SLC41A3: variants seen among roughly 807,000 people sequenced by gnomAD.
SLC41A3 encodes the protein SLC41A1-like 2.
A neutral mutation model predicts 45.4 loss-of-function variants in SLC41A3; 44 were observed. The ratio of observed to expected loss-of-function variants is 0.97; its 90% CI spans 0.76 to 1.25. The LOEUF (loss-of-function observed/expected upper bound fraction) is 1.25, where lower values mean the gene tolerates loss of function less well. Ranked by LOEUF, SLC41A3 falls within the 50% of genes most tolerant of loss-of-function variation. SLC41A3 has a pLI of 0.00. For synonymous variants in SLC41A3, 256 were observed against 252.4 expected (o/e 1.01, Z -0.13); for missense variants, 550 against 600.6 (o/e 0.92, Z 0.88).
intron 2 of SLC41A3, among the ~76,000 whole-genome samples, chr3:126,067,235 A>G (rs990513035): frequency 1.3e-5 from 2 of 152,132 alleles, no homozygotes; most frequent in Non-Finnish European, 2.9e-5. Context: ...AGATGTATAC[A>G]ATGATTTATG....
chr3:126,093,083 G>A (rs1179149817), intron 1 of SLC41A3, among the ~76,000 whole-genome samples: 1 of 152,178 alleles, frequency 6.6e-6, no homozygotes, highest in Non-Finnish European at 1.5e-5. Context: ...CTAGAAGAGA[G>A]GGTGATATAG....
At chr3:126,033,213 A>G (rs1480734999) in intron 4 of SLC41A3, among the ~76,000 whole-genome samples, 1 of 151,338 alleles carries the variant, frequency 6.6e-6, no homozygotes, top group African/African-American at 2.4e-5. Flanking sequence ...GCCCAGAAAA[A>G]GTAAGATCAC....
chr3:126,010,456 A>C (rs1189323722), intron 9 of SLC41A3, among the ~76,000 whole-genome samples: 1 of 152,218 alleles, frequency 6.6e-6, no homozygotes, highest in Non-Finnish European at 1.5e-5. Flanking sequence ...TGGGCAACAG[A>C]GTGAGACCCT....
intron 3 of SLC41A3, among the ~76,000 whole-genome samples, chr3:126,042,913 C>A (rs1942688872): frequency 6.6e-6 from 1 of 151,162 alleles, no homozygotes; most frequent in South Asian, 2.1e-4. Context: ...TTACAGAACA[C>A]TCAATTGTAA....
chr3:126,076,896 C>A (rs1944903910), intron 1 of SLC41A3, among the ~76,000 whole-genome samples: 1 of 152,184 alleles, frequency 6.6e-6, no homozygotes, highest in African/African-American at 2.4e-5. Flanking sequence ...GAGATTCAGC[C>A]ATGCTGCCGA....
At chr3:126,059,093 C>T (rs1172895813) in intron 2 of SLC41A3, among the ~76,000 whole-genome samples, 2 of 151,492 alleles carry the variant, frequency 1.3e-5, no homozygotes, top group African/African-American at 4.9e-5. Context: ...GCCCTTCTCA[C>T]TGCTGCAATC....
intron 1 of SLC41A3, among the ~76,000 whole-genome samples, chr3:126,073,973 A>G (rs1182231891): frequency 6.6e-6 from 1 of 152,164 alleles, no homozygotes; most frequent in African/African-American, 2.4e-5. Flanking sequence ...ACTAGTACAT[A>G]CAAAGACTTT....
chr3:126,027,331 T>TG (rs1276510310), intron 4 of SLC41A3, among the ~76,000 whole-genome samples: 5 of 148,020 alleles, frequency 3.4e-5, no homozygotes, highest in Non-Finnish European at 7.4e-5. Context: ...TAAAAGTGTG[T>TG]GGCACCTCGT....
intron 8 of SLC41A3, among the ~76,000 whole-genome samples, chr3:126,013,213 T>A (rs1373496041): frequency 6.6e-6 from 1 of 151,974 alleles, no homozygotes; most frequent in Non-Finnish European, 1.5e-5. Context: ...AAAGTGATTT[T>A]TTTTTTTTCA....
At chr3:126,074,054 C>T (rs1944759054) in intron 1 of SLC41A3, among the ~76,000 whole-genome samples, 1 of 152,024 alleles carries the variant, frequency 6.6e-6, no homozygotes, top group Non-Finnish European at 1.5e-5. Context: ...CAATGTAATA[C>T]ACCAAATTAA....
chr3:126,039,140 A>G (rs996415214), intron 3 of SLC41A3, among the ~76,000 whole-genome samples: 7 of 152,212 alleles, frequency 4.6e-5, no homozygotes, highest in African/African-American at 1.7e-4. Context: ...TATATGCCAA[A>G]TAAACCTCTT....
chr3:126,088,119 C>G (rs1329137638), upstream of SLC41A3, among the ~76,000 whole-genome samples: 2 of 151,934 alleles, frequency 1.3e-5, no homozygotes, highest in African/African-American at 4.8e-5. Flanking sequence ...GGATAATTAA[C>G]AAAATTATCT....
intron 2 of SLC41A3, among the ~76,000 whole-genome samples, chr3:126,058,717 C>T (rs753010232): frequency 6.6e-6 from 1 of 152,264 alleles, no homozygotes; most frequent in Non-Finnish European, 1.5e-5. Flanking sequence ...GGTCAACACA[C>T]TGCCTGAGAA....
intron 1 of SLC41A3, among the ~76,000 whole-genome samples, chr3:126,074,343 C>T (rs1029000494): frequency 6.6e-6 from 1 of 151,914 alleles, no homozygotes; most frequent in East Asian, 2.0e-4. Flanking sequence ...ACAAACTTAG[C>T]GAGAGTCTGA....
chr3:126,032,427 G>A (rs987602619), intron 4 of SLC41A3, among the ~76,000 whole-genome samples: 5 of 152,232 alleles, frequency 3.3e-5, no homozygotes, highest in African/African-American at 1.2e-4. Context: ...GGTTTCTGGT[G>A]TGGTTACTGG....
chr3:126,094,248 G>C (rs1002536989), intron 1 of SLC41A3, among the ~76,000 whole-genome samples: 13 of 152,206 alleles, frequency 8.5e-5, no homozygotes, highest in Non-Finnish European at 1.9e-4. Flanking sequence ...CAAGTGGAAA[G>C]ACAAAGTTCC....
intron 1 of SLC41A3, among the ~76,000 whole-genome samples, chr3:126,098,712 C>T (rs964686628): frequency 3.9e-5 from 6 of 152,332 alleles, no homozygotes; most frequent in Non-Finnish European, 8.8e-5. Flanking sequence ...GTCACTGTCA[C>T]CCTGCCACCA....
At chr3:126,052,515 C>T (rs1310968820) in intron 2 of SLC41A3, among the ~76,000 whole-genome samples, 2 of 152,214 alleles carry the variant, frequency 1.3e-5, no homozygotes, top group Non-Finnish European at 2.9e-5. Context: ...CTGAGCACTA[C>T]TACCTCTGAA....
At chr3:126,091,780 G>T (rs549664384) in intron 1 of SLC41A3, among the ~76,000 whole-genome samples, 1 of 152,312 alleles carries the variant, frequency 6.6e-6, no homozygotes, top group South Asian at 2.1e-4. Flanking sequence ...ATATGTCAAA[G>T]AAATACATTT....
Sources: gnomAD v4.1 joint callset for allele counts (sites outside exome capture counted in the v4.1 genomes callset) on GRCh38, gnomAD v4.1.1 for gene constraint, MANE v1.5 for transcripts, NCBI Gene and HGNC (gene_info 2026-07-23, HGNC 2026-07-21) for gene names.